MYOCD: variants seen among roughly 807,000 people sequenced by gnomAD.
MYOCD encodes the protein myocardin.
Under a neutral mutation model 96.1 loss-of-function variants are expected in MYOCD, and 32 were observed. The ratio of observed to expected loss-of-function variants is 0.33; its 90% confidence interval spans 0.25 to 0.45. The LOEUF (loss-of-function observed/expected upper bound fraction) is 0.45, where lower values mean the gene tolerates loss of function less well. Ranked by LOEUF, MYOCD falls within the 20% of genes least tolerant of loss-of-function variation. The pLI is 1.00. For synonymous variants in MYOCD, 469 were observed against 469.0 expected (o/e 1.00, Z 0.00); for missense variants, 1,133 against 1,200.6 (o/e 0.94, Z 0.83).
intron 1 of MYOCD, among the ~76,000 whole-genome samples, chr17:12,685,906 C>T (rs186050277): frequency 4.7e-4 from 71 of 152,286 alleles, no homozygotes; most frequent in South Asian, 1.5e-3. Context: ...GATACACACA[C>T]GAATGCATGA....
chr17:12,716,283 T>C (rs548579928), intron 3 of MYOCD, among the ~76,000 whole-genome samples: 2 of 152,296 alleles, frequency 1.3e-5, no homozygotes, highest in African/African-American at 4.8e-5. Flanking sequence ...AGCTCACAAG[T>C]GGCTGTGATT....
At chr17:12,708,541 T>C (rs2031377280) in intron 2 of MYOCD, among the ~76,000 whole-genome samples, 1 of 152,070 alleles carries the variant, frequency 6.6e-6, no homozygotes, top group Non-Finnish European at 1.5e-5. Context: ...TACAGGCACG[T>C]GCCACCATGC....
rs1033874596 is a variant in MYOCD at position 12,697,565 on chromosome 17, C to T, written c.56-7563C>T. Among the ~76,000 whole-genome samples the T allele has an allele frequency of 3.3e-5, 5 of 151,154 alleles. No individual in the cohort carries two copies. In the South Asian group the frequency reaches 6.3e-4, roughly 19 times the overall value. ...CTTTAGTAGAGATGGGGTTTCTTCA[C>T]GTTAGCCAGGATGATCTCGATCTCC... On this transcript the variant is annotated intron_variant, in intron 1 of 13. Transcript: ENST00000425538.
chr17:12,758,800 GC>G (rs1597816444), intron 12 of MYOCD, among the ~76,000 whole-genome samples: 1 of 152,198 alleles, frequency 6.6e-6, no homozygotes, highest in East Asian at 1.9e-4. Context: ...TGTAATCCCA[GC>G]ACTTTGGGAG....
chr17:12,702,114 G>C (rs76907492), intron 1 of MYOCD, among the ~76,000 whole-genome samples: 1,912 of 152,020 alleles, frequency 0.013, 52 homozygotes, highest in South Asian at 0.12. Flanking sequence ...TTTAAATGTA[G>C]TTATATCTGA....
chr17:12,760,092 C>T (rs953200025), intron 12 of MYOCD: 1 of 154,144 alleles, frequency 6.5e-6, no homozygotes, highest in African/African-American at 2.4e-5. Flanking sequence ...AAGGTAGAAA[C>T]AACCCATATG....
intron 1 of MYOCD, among the ~76,000 whole-genome samples, chr17:12,697,584 GA>G (rs1308711052): frequency 6.6e-6 from 1 of 151,194 alleles, no homozygotes; most frequent in Non-Finnish European, 1.5e-5. Flanking sequence ...GGATGATCTC[GA>G]TCTCCTGACC....
intron 5 of MYOCD, among the ~76,000 whole-genome samples, chr17:12,729,424 G>A (rs754164920): frequency 1.3e-5 from 2 of 152,076 alleles, no homozygotes; most frequent in Non-Finnish European, 1.5e-5. Context: ...CTTTGCCTCT[G>A]TGGAAGCCAT....
At chr17:12,736,030 T>C (rs552953476) in intron 5 of MYOCD, 131 bp from the exon 6 acceptor site, 3 of 787,154 alleles carry the variant, frequency 3.8e-6, no homozygotes, top group East Asian at 2.5e-5. Flanking sequence ...AGCTTCACTC[T>C]TACCTAAACT....
chr17:12,728,442 A>G (rs1447885869), intron 5 of MYOCD, among the ~76,000 whole-genome samples: 1 of 152,118 alleles, frequency 6.6e-6, no homozygotes, highest in Non-Finnish European at 1.5e-5. Flanking sequence ...TCACCTTTTC[A>G]TGGGACTGGG....
intron 12 of MYOCD, 118 bp from the exon 13 acceptor site, chr17:12,760,532 G>A: frequency 6.4e-6 from 5 of 776,884 alleles, no homozygotes; most frequent in Non-Finnish European, 1.1e-5. Flanking sequence ...GCCACAATTG[G>A]AAAAAAAAAT....
intron 1 of MYOCD, among the ~76,000 whole-genome samples, chr17:12,691,564 C>A (rs1037834126): frequency 1.3e-5 from 2 of 152,110 alleles, no homozygotes; most frequent in African/African-American, 4.8e-5. Flanking sequence ...AGCTGAGCAT[C>A]CCTTATGTTG....
Position 12,717,424 on chromosome 17 carries a change from AAGG to A in MYOCD, c.253+4_253+6del. The A allele has an allele frequency of 2.5e-6, 4 of 1,612,304 alleles. No homozygotes were observed. Among genetic ancestry groups the A allele is most frequent in the Non-Finnish European group, 3.4e-6 (4 of 1,178,654 alleles). The stretch of plus-strand genomic sequence containing the variant: ...GGTTAATATGCACATACTCCAAGGT[AAGG>A]CTGCAAGAAATCAGACACCAAGAGA... On this transcript the variant is annotated splice_donor_5th_base_variant and intron_variant, in intron 4 of 13. Coordinates refer to ENST00000425538, the MANE Select transcript of MYOCD (RefSeq NM_001146312.3).
rs372490752 is a variant in MYOCD at position 12,762,860 on chromosome 17, A to T, written c.2390-213A>T. 145 of 555,904 alleles carry T rather than the reference A, an allele frequency of 2.6e-4. 2 individuals are homozygous for T. The South Asian group carries it at 3.0e-3, about 12-fold the overall frequency. 34.4% of individuals were successfully genotyped at this position (555,904 alleles called of 1,614,324 possible). ...AACCTTCAGAGAAGAGAGTTTAATAATCACAGAGTGGAATTCCCAAGAGGA... is the reference window on the plus strand; with the variant it reads ...AACCTTCAGAGAAGAGAGTTTAATATTCACAGAGTGGAATTCCCAAGAGGA... On this transcript the variant is annotated intron_variant, in intron 13 of 13. Transcript: ENST00000425538.
chr17:12,683,964 A>G lies in MYOCD; in HGVS notation c.55+17721A>G, dbSNP rs189730604. 2.7e-4 allele frequency among the ~76,000 whole-genome samples: 41 copies of G among 152,364 alleles called. No homozygotes were observed. In the East Asian group the frequency reaches 4.1e-3, roughly 15 times the overall value. On this transcript the variant is annotated intron_variant, in intron 1 of 13. Coordinates refer to ENST00000425538, the MANE Select transcript of MYOCD (RefSeq NM_001146312.3). ...TACTGGCAAATTCCCAGATGAAGAC[A>G]TTACTTCAAAGGCTCCTGGCAGCCC...
chr17:12,703,751 AT>A (rs137968466), intron 1 of MYOCD, among the ~76,000 whole-genome samples: 23 of 149,566 alleles, frequency 1.5e-4, no homozygotes, highest in Middle Eastern at 3.5e-3. Context: ...GGCTCTGCTC[AT>A]TTTTTTTTCA....
In MYOCD at chr17:12,722,873, A is replaced by G. The variant is rs779479500; in HGVS notation, c.280A>G (p.Thr94Ala). 1 of 1,613,802 alleles carries G rather than the reference A, an allele frequency of 6.2e-7. No individual in the cohort carries two copies. Among genetic ancestry groups the G allele is most frequent in the African/African-American group, 1.3e-5 (1 of 74,900 alleles). The stretch of plus-strand genomic sequence containing the variant: ...TTCCACTGCAGAGAGGTCCATTCCA[A>G]CTGCTCAGATGAAGCTGAAAAGAGC... ...QASTAERSIP[T>A]AQMKLKRARL... Residue 94 changes from threonine to alanine, a missense_variant, in exon 5 of 14, where the codon ACT becomes GCT. By Grantham distance (58) the Thr-to-Ala change is moderately conservative (BLOSUM62 0). Coordinates refer to ENST00000425538, the MANE Select transcript of MYOCD (RefSeq NM_001146312.3).
intron 1 of MYOCD, among the ~76,000 whole-genome samples, chr17:12,687,730 C>T (rs1366483132): frequency 6.6e-6 from 1 of 152,112 alleles, no homozygotes; most frequent in Non-Finnish European, 1.5e-5. Flanking sequence ...GAAGAGGTTG[C>T]AGCAAGTAGG....
chr17:12,734,007 T>C (rs1362203284), intron 5 of MYOCD, among the ~76,000 whole-genome samples: 1 of 152,172 alleles, frequency 6.6e-6, no homozygotes. Flanking sequence ...ATTTTTATTA[T>C]TTGCTCTCTC....
Sources: allele counts gnomAD v4.1 joint callset (sites outside exome capture counted in the v4.1 genomes callset), GRCh38; gene constraint gnomAD v4.1.1; transcripts MANE v1.5; gene names NCBI Gene and HGNC (gene_info 2026-07-23, HGNC 2026-07-21).